SLC7A6: variants seen among roughly 807,000 people sequenced by gnomAD.
SLC7A6 encodes Y+L amino acid transporter 2.
SLC7A6 carries 29 observed loss-of-function variants against 46.6 expected under a neutral mutation model. The ratio of observed to expected loss-of-function variants is 0.62; its 90% CI spans 0.46 to 0.85. The LOEUF (loss-of-function observed/expected upper bound fraction) is 0.85. Among genes scored for constraint, SLC7A6 ranks in the 40% least tolerant of loss-of-function variants. The probability of loss-of-function intolerance (pLI) is 0.00; values close to 1 mark genes in which losing one functional copy is unlikely to be tolerated. For missense variants in SLC7A6, 527 were observed against 647.6 expected (o/e 0.81, Z 2.02); for synonymous variants, 276 against 257.3 (o/e 1.07, Z -0.70).
chr16:68,287,840 C>T lies in SLC7A6; in HGVS notation c.618C>T (p.Ile206=), dbSNP rs1271308330. 1 of 1,614,094 alleles carries T rather than the reference C, an allele frequency of 6.2e-7. No homozygotes were observed. Among genetic ancestry groups the T allele is most frequent in the African/African-American group, 1.3e-5 (1 of 74,946 alleles). The change falls in exon 4 of 11, where the codon ATC becomes ATT. Residue 206 remains isoleucine, a synonymous_variant. Coordinates refer to ENST00000219343, the MANE Select transcript of SLC7A6 (RefSeq NM_003983.6). ...CCAAGGTCGTAGCGCTCATTGCCAT[C>T]ATTGTCATGGGCCTTGTTAAACTGT... ...TYAKVVALIA[I]IVMGLVKLCQ...
Position 68,301,372 on chromosome 16 carries a change from T to G in SLC7A6, c.*4044T>G. On this transcript the variant is annotated 3_prime_UTR_variant, in exon 11 of 11. Coordinates refer to ENST00000219343, the MANE Select transcript of SLC7A6 (RefSeq NM_003983.6). The stretch of plus-strand genomic sequence containing the variant: ...CATCCGCTGTCTGCTGCTGCCTCTT[T>G]CCTCCTCACTCAGGCTGTTGTAGTC... The G allele has an allele frequency of 6.2e-7, 1 of 1,613,976 alleles. No individual in the cohort carries two copies. Among genetic ancestry groups the G allele is most frequent in the East Asian group, 2.2e-5 (1 of 44,876 alleles).
At chr16:68,275,291 G>A (rs1391087100) in intron 3 of SLC7A6, 42 bp downstream of exon 3, 1 of 1,567,374 alleles carries the variant, frequency 6.4e-7, no homozygotes, top group Non-Finnish European at 8.7e-7. Flanking sequence ...GGGGGTGGGG[G>A]GTACTATAAT....
At position 68,291,663 on chromosome 16, in the gene SLC7A6, T is replaced by C. The variant is rs147492109; in HGVS notation, c.1022+2T>C. On this transcript the variant is annotated splice_donor_variant, in intron 7 of 10. Coordinates refer to ENST00000219343, the MANE Select transcript of SLC7A6 (RefSeq NM_003983.6). LOFTEE classifies it high-confidence loss of function. ...TGCATCCATCTTTGCTTCATCAAGG[T>C]ACTGTGTCTCTGTGTCACTGATAAT... 161 of 1,612,842 alleles carry C rather than the reference T, an allele frequency of 1.0e-4. No individual in the cohort carries two copies. The highest frequency in any genetic ancestry group is 3.3e-5 in the Admixed American group (2 of 59,994).
chr16:68,270,686 ATC>A (rs1038231489), intron 2 of SLC7A6, among the ~76,000 whole-genome samples: 3 of 152,166 alleles, frequency 2.0e-5, no homozygotes, highest in Non-Finnish European at 4.4e-5. Flanking sequence ...CAGACCTTGT[ATC>A]TCTCTATCTC....
chr16:68,286,747 G>C (rs1351857483), intron 3 of SLC7A6, among the ~76,000 whole-genome samples: 1 of 152,156 alleles, frequency 6.6e-6, no homozygotes, highest in African/African-American at 2.4e-5. Context: ...CGTGAGCCTA[G>C]GGAGTACTCG....
Position 68,297,493 on chromosome 16 carries a change from T to G in SLC7A6, c.*165T>G. On this transcript the variant is annotated 3_prime_UTR_variant, in exon 11 of 11. Coordinates refer to ENST00000219343, the MANE Select transcript of SLC7A6 (RefSeq NM_003983.6). The stretch of plus-strand genomic sequence containing the variant: ...CTCTTATTGGTAAGCTATAGGAGAC[T>G]CAGGATCTGGGCCAACCTCAAGGTG... The G allele has an allele frequency of 3.7e-6, 1 of 267,498 alleles. No individual in the cohort carries two copies. Among genetic ancestry groups the G allele is most frequent in the Non-Finnish European group, 6.8e-6 (1 of 146,602 alleles). 16.6% of individuals were successfully genotyped at this position (267,498 alleles called of 1,614,324 possible).
chr16:68,286,787 G>A (rs538263037), intron 3 of SLC7A6, among the ~76,000 whole-genome samples: 4 of 152,240 alleles, frequency 2.6e-5, no homozygotes, highest in Admixed American at 2.6e-4. Context: ...GGACTTCATT[G>A]AGAATTGGGA....
Sources: allele counts gnomAD v4.1 joint callset (sites outside exome capture counted in the v4.1 genomes callset), GRCh38; gene constraint gnomAD v4.1.1; transcripts MANE v1.5; gene names NCBI Gene and HGNC (gene_info 2026-07-23, HGNC 2026-07-21).